NHS: variants seen among roughly 807,000 people sequenced by gnomAD.
The protein encoded by NHS is NHS actin remodeling regulator.
Under a neutral mutation model 72.5 loss-of-function variants are expected in NHS, and 5 were observed. The observed-to-expected ratio is 0.07, with a 90% CI of 0.04 to 0.14. NHS has a LOEUF of 0.14. Among genes scored for constraint, NHS ranks in the 10% least tolerant of loss-of-function variants. NHS has a pLI of 1.00. For missense variants in NHS, 1,072 were observed against 1,355.7 expected (o/e 0.79, Z 3.29); for synonymous variants, 464 against 547.7 (o/e 0.85, Z 2.13).
At chrX:17,574,339 A>G (rs912983838) in intron 1 of NHS, among the ~76,000 whole-genome samples, 2 of 112,296 alleles carry the variant, frequency 1.8e-5, no homozygotes, top group Non-Finnish European at 3.8e-5. Context: ...GGCTCTGCCC[A>G]GTTCGAGCTT....
At chrX:17,411,077 G>C (rs2064555681) in intron 1 of NHS, among the ~76,000 whole-genome samples, 1 of 111,925 alleles carries the variant, frequency 8.9e-6, no homozygotes, top group South Asian at 3.7e-4. Flanking sequence ...GGTGATTTTG[G>C]CTAAGTATCA....
intron 1 of NHS, among the ~76,000 whole-genome samples, chrX:17,416,599 C>T (rs1034578035): frequency 2.7e-5 from 3 of 112,525 alleles, no homozygotes; most frequent in Non-Finnish European, 3.7e-5. Context: ...TTTCTCTTAA[C>T]AGTACTTACT....
At chrX:17,494,627 C>T (rs745385273) in intron 1 of NHS, among the ~76,000 whole-genome samples, 1 of 111,654 alleles carries the variant, frequency 9.0e-6, no homozygotes, top group Non-Finnish European at 1.9e-5. Context: ...ATATCCTTCT[C>T]CCTATGGGGC....
intron 1 of NHS, among the ~76,000 whole-genome samples, chrX:17,682,039 C>G (rs1601833416): frequency 2.7e-5 from 3 of 110,939 alleles, no homozygotes; most frequent in African/African-American, 9.8e-5. Context: ...TTGGGCTGCT[C>G]TGCAGGTGAC....
intron 1 of NHS, among the ~76,000 whole-genome samples, chrX:17,527,326 GC>G (rs1288435341): frequency 8.8e-6 from 1 of 113,268 alleles, no homozygotes; most frequent in Admixed American, 9.2e-5. Context: ...GCTGACTTGG[GC>G]TCCCAAGTGA....
intron 1 of NHS, among the ~76,000 whole-genome samples, chrX:17,615,191 TACAC>T (rs1226811716): frequency 1.2e-5 from 1 of 86,109 alleles, no homozygotes; most frequent in African/African-American, 5.7e-5. Context: ...ATAGTATATA[TACAC>T]ATATATACGT....
Position 17,523,421 on chromosome X carries a change from CCAGGCCTTGATCT to C in NHS, c.565+147101_565+147113del, listed in dbSNP as rs762299606. Among the ~76,000 whole-genome samples, 25 of 111,990 alleles carry C rather than the reference CCAGGCCTTGATCT, an allele frequency of 2.2e-4. No homozygotes were observed. The South Asian group carries it at 6.4e-3, about 29-fold the overall frequency. ...GGGATGTCTTTCCAGGGCCCACCCC[CCAGGCCTTGATCT>C]CTGCTGCTGCCAAAAATGGCAGGGC... is the stretch of plus-strand genomic sequence containing the variant. On this transcript the variant is annotated intron_variant, in intron 1 of 8. Coordinates refer to ENST00000676302, the MANE Select transcript of NHS (RefSeq NM_001291867.2).
At chrX:17,697,606 T>G (rs2066238837) in intron 3 of NHS, among the ~76,000 whole-genome samples, 1 of 111,792 alleles carries the variant, frequency 8.9e-6, no homozygotes, top group South Asian at 3.7e-4. Flanking sequence ...CAAGGGATAA[T>G]TGGGGAAATG....
chrX:17,475,116 C>A (rs1049750344), intron 1 of NHS, among the ~76,000 whole-genome samples: 1 of 111,721 alleles, frequency 9.0e-6, no homozygotes, highest in African/African-American at 3.3e-5. Context: ...ATGACTCAAC[C>A]ACTTATAAAT....
intron 1 of NHS, among the ~76,000 whole-genome samples, chrX:17,598,427 T>C (rs2065634773): frequency 8.9e-6 from 1 of 112,697 alleles, no homozygotes; most frequent in Non-Finnish European, 1.9e-5. Flanking sequence ...TAGTTAGTGA[T>C]CATCAAAAGA....
At chrX:17,632,883 T>C (rs2065827279) in intron 1 of NHS, among the ~76,000 whole-genome samples, 1 of 112,252 alleles carries the variant, frequency 8.9e-6, no homozygotes, top group African/African-American at 3.2e-5. Flanking sequence ...CTATTCCTTA[T>C]TAGGCTGTAA....
intron 1 of NHS, among the ~76,000 whole-genome samples, chrX:17,571,335 C>T (rs1322038883): frequency 8.9e-6 from 1 of 112,216 alleles, no homozygotes; most frequent in African/African-American, 3.2e-5. Flanking sequence ...TAATTATTGC[C>T]TCAATTTCAG....
intron 1 of NHS, among the ~76,000 whole-genome samples, chrX:17,550,309 G>A (rs976487354): frequency 6.2e-5 from 7 of 112,123 alleles, no homozygotes; most frequent in South Asian, 3.7e-4. Flanking sequence ...CTGGGGAGAC[G>A]AATGTTTTAT....
chrX:17,398,927 T>C (rs2064489090), intron 1 of NHS, among the ~76,000 whole-genome samples: 1 of 111,663 alleles, frequency 9.0e-6, no homozygotes, highest in South Asian at 3.8e-4. Context: ...TTGCCTTTTT[T>C]GCTATCTACC....
chrX:17,428,725 G>A (rs1462436147), intron 1 of NHS, among the ~76,000 whole-genome samples: 2 of 111,770 alleles, frequency 1.8e-5, no homozygotes, highest in Non-Finnish European at 3.8e-5. Context: ...GACCCCAGTG[G>A]TAGGTGAGCC....
chrX:17,421,244 T>TGTGTGC (rs1395180012), intron 1 of NHS, among the ~76,000 whole-genome samples: 53 of 100,413 alleles, frequency 5.3e-4, no homozygotes, highest in African/African-American at 2.2e-3. Flanking sequence ...TGTGTGTGTG[T>TGTGTGC]GCGCGCACAC....
intron 1 of NHS, among the ~76,000 whole-genome samples, chrX:17,617,235 A>G (rs985514884): frequency 8.0e-5 from 9 of 112,032 alleles, no homozygotes; most frequent in African/African-American, 2.9e-4. Flanking sequence ...CCCCTACGCA[A>G]CCACACTGAT....
intron 1 of NHS, among the ~76,000 whole-genome samples, chrX:17,377,530 G>T (rs1356997810): frequency 8.8e-6 from 1 of 113,211 alleles, no homozygotes; most frequent in African/African-American, 3.2e-5. Flanking sequence ...GTGCGCAGTG[G>T]CCTAGGAGCG....
intron 1 of NHS, among the ~76,000 whole-genome samples, chrX:17,606,658 C>T (rs1173258060): frequency 1.8e-5 from 2 of 112,156 alleles, no homozygotes; most frequent in Non-Finnish European, 3.8e-5. Flanking sequence ...TGGGGTGGTT[C>T]GTACTGCTTT....
Sources: allele counts gnomAD v4.1 joint callset (sites outside exome capture counted in the v4.1 genomes callset), GRCh38; gene constraint gnomAD v4.1.1; transcripts MANE v1.5; gene names NCBI Gene and HGNC (gene_info 2026-07-23, HGNC 2026-07-21).